Variants in ADAMTS3 observed in about 807,000 individuals in gnomAD.
ADAMTS3 encodes the protein ADAM metallopeptidase with thrombospondin type 1 motif 3.
In ADAMTS3, 73 loss-of-function variants were observed where a neutral mutation model predicts 129.0. The observed-to-expected ratio is 0.57, with a 90% CI of 0.47 to 0.69. The LOEUF (loss-of-function observed/expected upper bound fraction) is 0.69. ADAMTS3 is among the 30% of genes least tolerant of loss of function. The pLI is 0.00. For missense variants in ADAMTS3, 1,457 were observed against 1,514.5 expected, an observed-to-expected ratio of 0.96 and a Z score of 0.63; for synonymous variants, 477 against 510.8, an observed-to-expected ratio of 0.93 and a Z score of 0.89.
In ADAMTS3 at chr4:72,283,307, G is replaced by A; in HGVS notation, c.3447C>T (p.Ser1149=). 1 of 1,614,052 alleles carries A rather than the reference G, an allele frequency of 6.2e-7. No homozygotes were observed. The stretch of plus-strand genomic sequence containing the variant: ...GGTGGACCCTCTTGGTGGGTGGGGA[G>A]GATGGTACGGTGACCAGTCTCACAG... The part of the protein sequence containing the change: ...SKTVRLVTVP[S]SPPTKRVHLS... Residue 1149 remains serine, a synonymous_variant, in exon 22 of 22, where the codon TCC becomes TCT. Coordinates refer to ENST00000286657, the MANE Select transcript of ADAMTS3 (RefSeq NM_014243.3).
rs1217901679 is a variant in ADAMTS3, at chr4:72,519,888, C to T, written c.504+28590G>A. On this transcript the variant is annotated intron_variant, in intron 3 of 21. Coordinates refer to ENST00000286657, the MANE Select transcript of ADAMTS3 (RefSeq NM_014243.3). ...TTGTTCCATTGCTGGTGAAGAACTG[C>T]GTTCCTTTGGAGGAGGAGAGGCACT... Among the ~76,000 whole-genome samples the T allele has an allele frequency of 7.9e-5, 12 of 152,206 alleles. No homozygotes were observed. In the South Asian group the frequency reaches 1.2e-3, roughly 16 times the overall value.
At chr4:72,444,748 A>T (rs1192950195) in intron 3 of ADAMTS3, among the ~76,000 whole-genome samples, 1 of 151,810 alleles carries the variant, frequency 6.6e-6, no homozygotes, top group Non-Finnish European at 1.5e-5. Context: ...AGATGAATTC[A>T]GATTACAATA....
rs2109761453 is a variant in ADAMTS3 at position 72,283,460 on chromosome 4, T to G, written c.3294A>C (p.Ala1098=). 2 of 1,614,044 alleles carry G rather than the reference T, an allele frequency of 1.2e-6. No homozygotes were observed. Among genetic ancestry groups the G allele is most frequent in the Non-Finnish European group, 1.7e-6 (2 of 1,179,984 alleles). The change falls in exon 22 of 22, where the codon GCA becomes GCC. Residue 1098 remains alanine (A), a synonymous_variant. Transcript: ENST00000286657. The part of the protein sequence containing the change: ...SLVPYHSETP[A]KKMSLSSISS... ...AGATGCTACTCAAAGACATCTTCTTTGCAGGGGTCTCTGAATGATAAGGAA... is the reference window on the plus strand; with the variant it reads ...AGATGCTACTCAAAGACATCTTCTTGGCAGGGGTCTCTGAATGATAAGGAA...
intron 3 of ADAMTS3, among the ~76,000 whole-genome samples, chr4:72,460,686 T>C (rs1718742383): frequency 6.6e-6 from 1 of 151,514 alleles, no homozygotes; most frequent in Admixed American, 6.6e-5. Flanking sequence ...GTAGCTACAA[T>C]GTGTCAGAAA....
chr4:72,388,531 G>C (rs1404151081), intron 4 of ADAMTS3, among the ~76,000 whole-genome samples: 1 of 152,162 alleles, frequency 6.6e-6, no homozygotes, highest in Admixed American at 6.5e-5. Flanking sequence ...TGCATGTGCT[G>C]CTTAGCCATT....
rs567990378 is a variant in ADAMTS3 at position 72,538,032 on chromosome 4, T to G, written c.504+10446A>C. Among the ~76,000 whole-genome samples, 37 of 152,206 alleles carry G rather than the reference T, an allele frequency of 2.4e-4. No homozygotes were observed. The South Asian group carries it at 5.4e-3, about 22-fold the overall frequency. On this transcript the variant is annotated intron_variant, in intron 3 of 21. Transcript: ENST00000286657. ...TTCACTAGAGGAATTCAAAGGCAGA[T>G]TTGAGCAGGCAGAAAAATTAGTAAA...
rs576479035 is a variant in ADAMTS3, at chr4:72,286,391, T to G, written c.3049+2360A>C. Among the ~76,000 whole-genome samples the G allele has an allele frequency of 2.6e-5, 4 of 152,328 alleles. No homozygotes were observed. The South Asian group carries it at 8.3e-4, about 32-fold the overall frequency. ...TATGTCAATACTTTCCAAAGTAAAATGATTAAATATATAAGTCCTATGTCT... is the reference window on the plus strand; with the variant it reads ...TATGTCAATACTTTCCAAAGTAAAAGGATTAAATATATAAGTCCTATGTCT... On this transcript the variant is annotated intron_variant, in intron 21 of 21. Coordinates refer to ENST00000286657, the MANE Select transcript of ADAMTS3 (RefSeq NM_014243.3).
intron 4 of ADAMTS3, among the ~76,000 whole-genome samples, chr4:72,366,884 GTTCTTTCTT>G (rs1720882850): frequency 6.6e-6 from 1 of 151,648 alleles, no homozygotes; most frequent in Non-Finnish European, 1.5e-5. Flanking sequence ...TAAATAAGTG[GTTCTTTCTT>G]TTCTTTCTCT....
intron 3 of ADAMTS3, among the ~76,000 whole-genome samples, chr4:72,521,385 T>A (rs1425324376): frequency 3.9e-5 from 6 of 152,194 alleles, no homozygotes; most frequent in Non-Finnish European, 8.8e-5. Context: ...TCTCTACTTT[T>A]CCAATAATCA....
chr4:72,384,768 A>T (rs1721391796), intron 4 of ADAMTS3, among the ~76,000 whole-genome samples: 1 of 152,186 alleles, frequency 6.6e-6, no homozygotes, highest in Non-Finnish European at 1.5e-5. Flanking sequence ...GTAAATATAA[A>T]ATATTATTTT....
chr4:72,462,785 C>T (rs10002579), intron 3 of ADAMTS3, among the ~76,000 whole-genome samples: 147,934 of 151,960 alleles, frequency 0.97, 72,150 homozygotes, highest in South Asian at 1. Flanking sequence ...TTATACAATG[C>T]GTTTGGGTTA....
intron 4 of ADAMTS3, among the ~76,000 whole-genome samples, chr4:72,360,696 A>G (rs80070755): frequency 0.032 from 4,922 of 152,100 alleles, 141 homozygotes; most frequent in Middle Eastern, 0.068. Flanking sequence ...CATACCTAAG[A>G]TATTTTCTTT....
At chr4:72,502,599 C>T (rs1720054032) in intron 3 of ADAMTS3, among the ~76,000 whole-genome samples, 1 of 152,062 alleles carries the variant, frequency 6.6e-6, no homozygotes, top group South Asian at 2.1e-4. Context: ...ATTTGGGTCT[C>T]AATTTCATTC....
chr4:72,492,483 G>A (rs1359947214), intron 3 of ADAMTS3, among the ~76,000 whole-genome samples: 2 of 151,270 alleles, frequency 1.3e-5, no homozygotes, highest in African/African-American at 4.8e-5. Context: ...TTAATTTTCA[G>A]TGTAGAGCTT....
At chr4:72,321,070 T>C (rs1432111906) in intron 6 of ADAMTS3, among the ~76,000 whole-genome samples, 200 bp from the exon 7 acceptor site, 2 of 152,260 alleles carry the variant, frequency 1.3e-5, no homozygotes, top group African/African-American at 4.8e-5. Flanking sequence ...ATTTTACCTG[T>C]GTGAAAGTCA....
At chr4:72,364,532 T>C (rs1005102178) in intron 4 of ADAMTS3, among the ~76,000 whole-genome samples, 4 of 151,696 alleles carry the variant, frequency 2.6e-5, no homozygotes, top group Non-Finnish European at 4.4e-5. Context: ...GGAGAATCAC[T>C]TGAACCGGGA....
At position 72,290,967 on chromosome 4, in the gene ADAMTS3, C is replaced by A. The variant is rs1578554826; in HGVS notation, c.2819G>T (p.Gly940Val). 6 of 1,614,050 alleles carry A rather than the reference C, an allele frequency of 3.7e-6. No homozygotes were observed. Among genetic ancestry groups the A allele is most frequent in the Non-Finnish European group, 5.1e-6 (6 of 1,179,976 alleles). Residue 940 changes from glycine to valine, a missense_variant, in exon 20 of 22, where the codon GGC becomes GTC. Coordinates refer to ENST00000286657, the MANE Select transcript of ADAMTS3 (RefSeq NM_014243.3). ...TTTGCTGTGCACAGAGCGGTTGGTG[C>A]CATCAAGGAGTGGCTGAAGGCAGCG... The part of the protein sequence containing the change: ...TVRCLQPLLD[G>V]TNRSVHSKYC...
chr4:72,389,680 T>G (rs987369797), intron 4 of ADAMTS3, among the ~76,000 whole-genome samples: 23 of 152,208 alleles, frequency 1.5e-4, no homozygotes, highest in African/African-American at 5.1e-4. Context: ...CACCAGCGTA[T>G]GTCACAAATT....
At chr4:72,493,024 CAAATAT>C (rs1263546045) in intron 3 of ADAMTS3, among the ~76,000 whole-genome samples, 2 of 151,690 alleles carry the variant, frequency 1.3e-5, no homozygotes, top group African/African-American at 4.8e-5. Context: ...ACTATTTTGC[CAAATAT>C]AAATATAGCC....
Sources: allele counts gnomAD v4.1 joint callset (sites outside exome capture counted in the v4.1 genomes callset), GRCh38; gene constraint gnomAD v4.1.1; transcripts MANE v1.5; gene names NCBI Gene and HGNC (gene_info 2026-07-23, HGNC 2026-07-21).